The following PSD2 variants were observed in gnomAD, a reference collection of about 807,000 sequenced individuals.
PSD2 encodes PH and SEC7 domain-containing protein 2.
In PSD2, 38 loss-of-function variants were observed where a neutral mutation model predicts 69.8. The observed-to-expected ratio is 0.54, with a 90% CI of 0.42 to 0.71. The LOEUF (loss-of-function observed/expected upper bound fraction) is 0.71, where lower values mean the gene tolerates loss of function less well. Ranked by LOEUF, PSD2 falls within the 30% of genes least tolerant of loss-of-function variation. The pLI is 0.00. For missense variants in PSD2, 943 were observed against 1,014.5 expected, an observed-to-expected ratio of 0.93 and a Z score of 0.96; for synonymous variants, 412 against 423.0, an observed-to-expected ratio of 0.97 and a Z score of 0.32.
intron 8 of PSD2, among the ~76,000 whole-genome samples, chr5:139,834,589 C>T (rs1760671687): frequency 6.6e-6 from 1 of 152,024 alleles, no homozygotes; most frequent in Admixed American, 6.6e-5. Context: ...GCGTAAGCCA[C>T]CACACCCAGC....
At chr5:139,755,869 G>A in the PSD2 span, among the ~76,000 whole-genome samples, 1 of 151,920 alleles carries the variant, frequency 6.6e-6, no homozygotes, top group African/African-American at 2.4e-5. Context: ...AATTTAAGGG[G>A]GCTCCAACAA....
In PSD2 at chr5:139,837,585, T is replaced by TG. The variant is rs1760766621; in HGVS notation, c.1666-37dup. 6.4e-7 allele frequency: 1 copy of TG among 1,561,464 alleles called. No homozygotes were observed. Among genetic ancestry groups the TG allele is most frequent in the African/African-American group, 1.4e-5 (1 of 73,772 alleles). On this transcript the variant is annotated intron_variant, in intron 11 of 14. Transcript: ENST00000274710. This position sits in a 1 kb window ranked among gnomAD's most constrained non-coding sequence, Gnocchi z 5.0. ...TGAGGGGAGGGGAGAGTGGAAGGTG[T>TG]GGGTCAGTGACCCTAGCTCGCCCAT...
At chr5:139,818,051 T>C (rs1450138597) in intron 5 of PSD2, among the ~76,000 whole-genome samples, 1 of 152,090 alleles carries the variant, frequency 6.6e-6, no homozygotes, top group African/African-American at 2.4e-5. Context: ...GGAGGGCCAA[T>C]TGCAGGTTCC....
chr5:139,803,632 G>T (rs1039509091), intron 1 of PSD2, among the ~76,000 whole-genome samples: 3 of 152,210 alleles, frequency 2.0e-5, no homozygotes, highest in Admixed American at 2.0e-4. Context: ...ACACAGGAAA[G>T]GGCACTGACC....
At chr5:139,784,420 A>T in the PSD2 span, among the ~76,000 whole-genome samples, 1 of 152,038 alleles carries the variant, frequency 6.6e-6, no homozygotes, top group Non-Finnish European at 1.5e-5. Context: ...ATGGCCTCCT[A>T]ACTGGGTTTG....
the PSD2 span, among the ~76,000 whole-genome samples, chr5:139,756,574 G>T: frequency 1.1e-4 from 17 of 152,324 alleles, no homozygotes; most frequent in African/African-American, 4.1e-4. Context: ...TTTAGGTGGA[G>T]ATTCTAGGCG....
At chr5:139,766,756 G>T in the PSD2 span, among the ~76,000 whole-genome samples, 1 of 152,196 alleles carries the variant, frequency 6.6e-6, no homozygotes, top group South Asian at 2.1e-4. Context: ...GCGAATAGAG[G>T]GGTAGGCATC....
intron 1 of PSD2, among the ~76,000 whole-genome samples, chr5:139,806,944 T>C (rs1323117053): frequency 1.3e-5 from 2 of 152,158 alleles, no homozygotes; most frequent in Non-Finnish European, 2.9e-5. Context: ...GTGCCTGGTG[T>C]TGGCAGGCTC....
intron 1 of PSD2, among the ~76,000 whole-genome samples, chr5:139,802,138 C>T (rs1042277918): frequency 8.8e-5 from 13 of 147,666 alleles, no homozygotes; most frequent in South Asian, 2.1e-4. Context: ...AGGGAGGACT[C>T]GCCTGGGGAG....
At position 139,837,812 on chromosome 5, in the gene PSD2, ACCTGGGGC is replaced by A. The variant is rs1174284210; in HGVS notation, c.1823+33_1823+40del. On this transcript the variant is annotated intron_variant, in intron 12 of 14. Transcript: ENST00000274710. This position sits in a 1 kb window ranked among gnomAD's most constrained non-coding sequence, Gnocchi z 5.0. Reference sequence around the variant, plus strand: ...GTAGGAGCTGGAGCCCTTCACTCCCACCTGGGGCCCAGGGCCACAGTGACCCGGCACAC... The same window carrying A: ...GTAGGAGCTGGAGCCCTTCACTCCCACCAGGGCCACAGTGACCCGGCACAC... 1.3e-6 allele frequency: 2 copies of A among 1,587,612 alleles called. No homozygotes were observed. The highest frequency in any genetic ancestry group is 2.3e-5 in the South Asian group (2 of 88,388).
the PSD2 span, among the ~76,000 whole-genome samples, chr5:139,782,048 G>A: frequency 6.6e-6 from 1 of 152,232 alleles, no homozygotes; most frequent in African/African-American, 2.4e-5. Flanking sequence ...AGGTGGGGCG[G>A]GGGCAGTACT....
At position 139,837,657 on chromosome 5, in the gene PSD2, G is replaced by A; in HGVS notation, c.1698G>A (p.Glu566=). ...DEYRPDKALS[E]GDLKNAIRVH... is the part of the protein sequence containing the mutation. ...ACAGGCCTGACAAAGCTCTATCGGA[G>A]GGTGACCTGAAGAACGCCATTCGCG... Residue 566 remains glutamate, a synonymous_variant, in exon 12 of 15, where the codon GAG becomes GAA. Coordinates refer to ENST00000274710, the MANE Select transcript of PSD2 (RefSeq NM_032289.4). This position sits in a 1 kb window ranked among gnomAD's most constrained non-coding sequence, Gnocchi z 5.0. The A allele has an allele frequency of 6.2e-7, 1 of 1,613,684 alleles. No homozygotes were observed. Among genetic ancestry groups the A allele is most frequent in the Admixed American group, 1.7e-5 (1 of 59,998 alleles).
chr5:139,842,086 T>C (rs1364462328), intron 14 of PSD2, among the ~76,000 whole-genome samples, 185 bp from the exon 15 acceptor site: 1 of 152,228 alleles, frequency 6.6e-6, no homozygotes, highest in Non-Finnish European at 1.5e-5. Context: ...ATTTGGATTT[T>C]TCAAATTATG....
At chr5:139,781,387 G>C in the PSD2 span, among the ~76,000 whole-genome samples, 1 of 151,746 alleles carries the variant, frequency 6.6e-6, no homozygotes, top group Non-Finnish European at 1.5e-5. Flanking sequence ...CCAGGCTGGA[G>C]TGCAGTGGTG....
At chr5:139,791,059 TA>T (rs1561587199), upstream of PSD2, among the ~76,000 whole-genome samples, 2 of 148,526 alleles carry the variant, frequency 1.3e-5, no homozygotes, top group African/African-American at 5.0e-5. Flanking sequence ...CTCAAAAAAA[TA>T]AAAAAAGAAA....
At chr5:139,755,091 A>C in the PSD2 span, among the ~76,000 whole-genome samples, 1 of 152,162 alleles carries the variant, frequency 6.6e-6, no homozygotes, top group Non-Finnish European at 1.5e-5. Flanking sequence ...TAGACGAACA[A>C]AACTGAAATT....
chr5:139,756,751 C>T, the PSD2 span, among the ~76,000 whole-genome samples: 5 of 152,126 alleles, frequency 3.3e-5, no homozygotes, highest in South Asian at 1.0e-3. Flanking sequence ...CAAAGTTGGC[C>T]TTCAGGATCC....
In PSD2 at chr5:139,814,496, C is replaced by T. The variant is rs1581720432; in HGVS notation, c.1016+132C>T. 5.3e-6 allele frequency: 4 copies of T among 747,930 alleles called. No individual in the cohort carries two copies. Among genetic ancestry groups the T allele is most frequent in the African/African-American group, 1.8e-5 (1 of 54,404 alleles). 46.3% of individuals were successfully genotyped at this position (747,930 alleles called of 1,614,324 possible). A position where few individuals can be genotyped will look rare whatever the true frequency, so the allele number is the denominator to read the frequency against. ...ACTCCCAACAGTTCCCCAAGGACAC[C>T]TCCTCCCGCCACTGTCCTCATTCCT... On this transcript the variant is annotated intron_variant, in intron 4 of 14. Transcript: ENST00000274710. The surrounding 1 kb of genome is among the most constrained non-coding windows in gnomAD (Gnocchi z 4.4).
intron 7 of PSD2, among the ~76,000 whole-genome samples, chr5:139,825,110 C>T (rs1373023528): frequency 6.6e-6 from 1 of 152,200 alleles, no homozygotes; most frequent in Non-Finnish European, 1.5e-5. Context: ...GGGAGCCCCA[C>T]CAGTTACAAG....
Sources: gnomAD v4.1 joint callset for allele counts (sites outside exome capture counted in the v4.1 genomes callset) on GRCh38, gnomAD v4.1.1 for gene constraint, Gnocchi (gnomAD v3.1) non-coding constraint, MANE v1.5 for transcripts, NCBI Gene and HGNC (gene_info 2026-07-23, HGNC 2026-07-21) for gene names.